TMTC2: variants seen among roughly 807,000 people sequenced by gnomAD.
TMTC2 encodes the protein protein O-mannosyl-transferase TMTC2.
A neutral mutation model predicts 82.4 loss-of-function variants in TMTC2; 43 were observed. That is an observed-to-expected ratio of 0.52 (90% confidence interval 0.41 to 0.67). TMTC2 has a LOEUF of 0.67. Ranked by LOEUF, TMTC2 falls within the 30% of genes least tolerant of loss-of-function variation. The pLI is 0.00. For synonymous variants in TMTC2, 408 were observed against 381.9 expected (o/e 1.07, Z -0.80); for missense variants, 919 against 1,012.4 (o/e 0.91, Z 1.25).
intron 1 of TMTC2, among the ~76,000 whole-genome samples, chr12:82,787,270 A>T (rs186870951): frequency 6.0e-4 from 91 of 152,110 alleles, no homozygotes; most frequent in Non-Finnish European, 1.1e-3. Flanking sequence ...ATGAAATGTC[A>T]TTGGACTTAT....
intron 11 of TMTC2, among the ~76,000 whole-genome samples, chr12:83,128,759 T>C (rs1021805463): frequency 6.6e-6 from 1 of 152,156 alleles, no homozygotes; most frequent in Non-Finnish European, 1.5e-5. Flanking sequence ...TGTGCTCAGC[T>C]AGAAGAACTG....
In TMTC2 at chr12:82,896,161, T is replaced by C; in HGVS notation, c.998T>C (p.Val333Ala). 1.9e-6 allele frequency: 3 copies of C among 1,613,994 alleles called. No individual in the cohort carries two copies. ...TACTATGGTTTGAAGAGCCCGAGCG[T>C]AGACAGAGAATGCAATGGGAAAACT... Reference protein sequence around the residue: ...LAYYGLKSPSVDRECNGKTVT... With the variant: ...LAYYGLKSPSADRECNGKTVT... The change falls in exon 3 of 12, where the codon GTA becomes GCA. Residue 333 changes from valine to alanine, a missense_variant. Physicochemically the swap from Val to Ala is moderately conservative, Grantham distance 64. Coordinates refer to ENST00000321196, the MANE Select transcript of TMTC2 (RefSeq NM_152588.3).
intron 4 of TMTC2, among the ~76,000 whole-genome samples, chr12:82,943,563 G>A (rs961109662): frequency 3.9e-5 from 6 of 152,122 alleles, no homozygotes; most frequent in Non-Finnish European, 7.4e-5. Flanking sequence ...CTGATTCACT[G>A]TGATTGATTT....
chr12:82,923,822 A>G (rs1484324519), intron 3 of TMTC2, among the ~76,000 whole-genome samples: 1 of 152,198 alleles, frequency 6.6e-6, no homozygotes, highest in African/African-American at 2.4e-5. Context: ...TGCCCCATCC[A>G]TGAGCCTTGG....
chr12:82,973,064 T>C (rs1036313307), intron 7 of TMTC2, among the ~76,000 whole-genome samples: 3 of 152,190 alleles, frequency 2.0e-5, no homozygotes, highest in African/African-American at 7.2e-5. Flanking sequence ...GAGATGGTTT[T>C]TAACTGTATG....
chr12:82,922,514 C>G (rs571523315), intron 3 of TMTC2, among the ~76,000 whole-genome samples: 1 of 151,924 alleles, frequency 6.6e-6, no homozygotes, highest in South Asian at 2.1e-4. Flanking sequence ...CCTTCTCTTT[C>G]TCTTTTTTTT....
At chr12:82,872,253 T>C (rs1367910730) in intron 2 of TMTC2, among the ~76,000 whole-genome samples, 1 of 152,092 alleles carries the variant, frequency 6.6e-6, no homozygotes, top group African/African-American at 2.4e-5. Context: ...GAACATCACA[T>C]TGGCCTGCAG....
At chr12:82,765,684 A>G (rs1310622942) in intron 1 of TMTC2, among the ~76,000 whole-genome samples, 2 of 143,168 alleles carry the variant, frequency 1.4e-5, no homozygotes, top group African/African-American at 5.3e-5. Context: ...CGAAAAAACA[A>G]AACAAAACAA....
Position 82,948,574 on chromosome 12 carries a change from C to T in TMTC2, c.1599-16450C>T, listed in dbSNP as rs188099440. 7.8e-4 allele frequency among the ~76,000 whole-genome samples: 118 copies of T among 152,190 alleles called. 1 individual carries two copies. Among genetic ancestry groups the T allele is most frequent in the African/African-American group, 2.7e-3 (113 of 41,532 alleles). On this transcript the variant is annotated intron_variant, in intron 4 of 11. Transcript: ENST00000321196. ...GCTTGTATGACCTAACACCTATTCC[C>T]GCTGGTCCATAAGATACATGATACC...
intron 8 of TMTC2, among the ~76,000 whole-genome samples, chr12:82,996,039 G>A (rs1190405794): frequency 1.3e-5 from 2 of 152,128 alleles, no homozygotes; most frequent in Non-Finnish European, 2.9e-5. Flanking sequence ...AAAACATTTT[G>A]AAAAGAAACC....
intron 3 of TMTC2, among the ~76,000 whole-genome samples, chr12:82,916,746 A>T (rs79247385): frequency 3.3e-5 from 5 of 152,132 alleles, no homozygotes; most frequent in Admixed American, 6.5e-5. Context: ...GAAGTACTAA[A>T]TTTTATGTTT....
At chr12:82,950,991 G>A (rs1877316690) in intron 4 of TMTC2, among the ~76,000 whole-genome samples, 1 of 152,116 alleles carries the variant, frequency 6.6e-6, no homozygotes, top group African/African-American at 2.4e-5. Flanking sequence ...TTATTTAGTT[G>A]TCCAAGTCTA....
chr12:82,862,543 C>T (rs2137122836), intron 2 of TMTC2, among the ~76,000 whole-genome samples: 1 of 152,216 alleles, frequency 6.6e-6, no homozygotes, highest in Admixed American at 6.5e-5. Context: ...CTTGGTTTTG[C>T]TAAAGTTTAT....
intron 1 of TMTC2, among the ~76,000 whole-genome samples, chr12:82,843,755 C>G (rs1016872387): frequency 6.6e-6 from 1 of 151,984 alleles, no homozygotes; most frequent in Non-Finnish European, 1.5e-5. Context: ...CAAGACCAGT[C>G]TGGCCAACAT....
chr12:82,808,181 A>G (rs1313425961), intron 1 of TMTC2, among the ~76,000 whole-genome samples: 1 of 152,034 alleles, frequency 6.6e-6, no homozygotes, highest in Non-Finnish European at 1.5e-5. Context: ...TGTCATTAAA[A>G]TTACAATTAC....
chr12:82,926,604 A>T (rs1338511959), intron 3 of TMTC2, among the ~76,000 whole-genome samples: 4 of 152,264 alleles, frequency 2.6e-5, no homozygotes, highest in Non-Finnish European at 5.9e-5. Flanking sequence ...TATACAAAAC[A>T]GATTTCTATT....
At chr12:83,085,771 C>T (rs964329233) in intron 11 of TMTC2, among the ~76,000 whole-genome samples, 1 of 152,180 alleles carries the variant, frequency 6.6e-6, no homozygotes, top group Non-Finnish European at 1.5e-5. Flanking sequence ...AGGCTACATC[C>T]ACTCTGGGAC....
chr12:82,909,711 T>G, intron 3 of TMTC2, among the ~76,000 whole-genome samples: 1 of 152,358 alleles, frequency 6.6e-6, no homozygotes, highest in Admixed American at 6.5e-5. Flanking sequence ...CAAATATTTT[T>G]ATTTTTAATG....
At chr12:82,962,885 G>T (rs1878004488) in intron 4 of TMTC2, among the ~76,000 whole-genome samples, 1 of 151,994 alleles carries the variant, frequency 6.6e-6, no homozygotes, top group African/African-American at 2.4e-5. Flanking sequence ...CATGAATAAA[G>T]AGACATTTTC....
Sources: allele counts gnomAD v4.1 joint callset (sites outside exome capture counted in the v4.1 genomes callset), GRCh38; gene constraint gnomAD v4.1.1; transcripts MANE v1.5; gene names NCBI Gene and HGNC (gene_info 2026-07-23, HGNC 2026-07-21).